HFM1: variants seen among roughly 807,000 people sequenced by gnomAD.
The protein encoded by HFM1 is probable ATP-dependent DNA helicase HFM1.
HFM1 carries 169 observed loss-of-function variants against 192.1 expected under a neutral mutation model. That is an observed-to-expected ratio of 0.88 (90% CI 0.78 to 1.00). The LOEUF is 1.00. Ranked by LOEUF, HFM1 falls within the 50% of genes least tolerant of loss-of-function variation. The pLI, the probability that HFM1 is intolerant of heterozygous loss-of-function variation, is 0.00. For missense variants in HFM1, 1,661 were observed against 1,668.0 expected (o/e 1.00, Z 0.07); for synonymous variants, 525 against 537.8 (o/e 0.98, Z 0.33).
intron 13 of HFM1, among the ~76,000 whole-genome samples, chr1:91,364,632 A>ATATATATATATTTTTTTTT (rs753472335): frequency 1.5e-5 from 1 of 66,816 alleles, no homozygotes; most frequent in Non-Finnish European, 2.5e-5. Flanking sequence ...ATATATATAT[A>ATATATATATATTTTTTTTT]TTTTTTTTTT....
intron 3 of HFM1, 60 bp downstream of exon 3, chr1:91,396,232 TA>T (rs964289469): frequency 5.2e-6 from 4 of 774,486 alleles, no homozygotes; most frequent in African/African-American, 1.7e-5. Context: ...CAGGGTTTTT[TA>T]AAAAAATATT....
chr1:91,289,218 A>C (rs416817), intron 30 of HFM1, among the ~76,000 whole-genome samples: 150,462 of 150,722 alleles, frequency 1, 75,101 homozygotes, highest in Non-Finnish European at 1. Flanking sequence ...CCTCAGTTCC[A>C]AGACGGGGTC....
chr1:91,262,752 C>T (rs1665288991), intron 36 of HFM1, among the ~76,000 whole-genome samples, 160 bp from the exon 37 acceptor site: 1 of 152,028 alleles, frequency 6.6e-6, no homozygotes. Context: ...TGGTATATTT[C>T]CTTTCCTTTA....
chr1:91,339,846 T>C (rs1016074421), intron 20 of HFM1, among the ~76,000 whole-genome samples: 10 of 151,848 alleles, frequency 6.6e-5, no homozygotes, highest in Non-Finnish European at 1.0e-4. Flanking sequence ...CCAAGACACA[T>C]AGTCATTACA....
At chr1:91,284,437 A>C (rs1329543167) in intron 30 of HFM1, among the ~76,000 whole-genome samples, 1 of 151,952 alleles carries the variant, frequency 6.6e-6, no homozygotes, top group Non-Finnish European at 1.5e-5. Context: ...TTTTTAGTAG[A>C]GATGGGGTTT....
chr1:91,365,341 T>C (rs900468520), intron 13 of HFM1, among the ~76,000 whole-genome samples: 1 of 152,040 alleles, frequency 6.6e-6, no homozygotes, highest in Non-Finnish European at 1.5e-5. Flanking sequence ...GGGATTCTTG[T>C]TAAGTAAGTA....
chr1:91,299,330 T>C (rs1231560441), intron 30 of HFM1, among the ~76,000 whole-genome samples: 3 of 152,222 alleles, frequency 2.0e-5, no homozygotes, highest in African/African-American at 4.8e-5. Context: ...CACACAATAA[T>C]AATGGGAGAC....
intron 20 of HFM1, among the ~76,000 whole-genome samples, chr1:91,328,075 C>T (rs539596486): frequency 6.6e-6 from 1 of 152,092 alleles, no homozygotes; most frequent in East Asian, 1.9e-4. Flanking sequence ...AAAGCAAGTG[C>T]TAACCAAACA....
intron 30 of HFM1, among the ~76,000 whole-genome samples, chr1:91,281,522 T>G (rs529609982): frequency 2.6e-5 from 4 of 152,294 alleles, no homozygotes; most frequent in African/African-American, 9.6e-5. Flanking sequence ...CTGGGCTGAA[T>G]CTACTACAAA....
At position 91,378,117 on chromosome 1, in the gene HFM1, C is replaced by T; in HGVS notation, c.1303G>A (p.Val435Ile). 6.2e-7 allele frequency: 1 copy of T among 1,609,376 alleles called. No homozygotes were observed. Among genetic ancestry groups the T allele is most frequent in the Non-Finnish European group, 8.5e-7 (1 of 1,176,522 alleles). ...LEVVVSRMKT[V>I]QSVSQTLKNT... is the part of the protein sequence containing the mutation. ...TTTAAAGTCTGAGAAACAGACTGTA[C>T]AGTTTTCATTCTGCTAACTACAACT... The change falls in exon 11 of 39, where the codon GTA becomes ATA. Residue 435 changes from valine (V) to isoleucine (I), a missense_variant. Transcript: ENST00000370425.
At chr1:91,273,280 G>C (rs957457893) in intron 34 of HFM1, among the ~76,000 whole-genome samples, 2 of 151,966 alleles carry the variant, frequency 1.3e-5, no homozygotes, top group Non-Finnish European at 2.9e-5. Flanking sequence ...TCATCTTAAA[G>C]ATAAGACTAA....
chr1:91,283,814 G>A (rs542202187), intron 30 of HFM1, among the ~76,000 whole-genome samples: 136 of 152,132 alleles, frequency 8.9e-4, no homozygotes, highest in African/African-American at 3.3e-3. Flanking sequence ...AAGAAGTCCA[G>A]ACAATAAATA....
At chr1:91,329,550 C>T in intron 20 of HFM1, 1 of 1,390,190 alleles carries the variant, frequency 7.2e-7, no homozygotes, top group Non-Finnish European at 9.7e-7. Flanking sequence ...TCCTTGACAC[C>T]AGAATATTTG....
At chr1:91,396,451 A>AT in intron 2 of HFM1, 46 bp from the exon 3 acceptor site, 1 of 953,654 alleles carries the variant, frequency 1.0e-6, no homozygotes. Flanking sequence ...ATAAAGATAT[A>AT]ACATGAGAAG....
At position 91,385,276 on chromosome 1, in the gene HFM1, A is replaced by C. The variant is rs943997740; in HGVS notation, c.755-42T>G. The C allele has an allele frequency of 2.0e-5, 24 of 1,172,220 alleles. No individual in the cohort carries two copies. In the African/African-American group the frequency reaches 3.6e-4, roughly 18 times the overall value. 72.6% of individuals were successfully genotyped at this position (1,172,220 alleles called of 1,614,324 possible). A position where few individuals can be genotyped will look rare whatever the true frequency, so the allele number is the denominator to read the frequency against. On this transcript the variant is annotated intron_variant, in intron 5 of 38. Transcript: ENST00000370425. ...ACATATTTATATAAATATCAAAAAA[A>C]AATTAATGGTCAGAAGCTAGGACCT...
chr1:91,374,925 G>C (rs1173529826), intron 13 of HFM1, among the ~76,000 whole-genome samples: 4 of 152,104 alleles, frequency 2.6e-5, no homozygotes, highest in Admixed American at 2.6e-4. Context: ...ACATTTAAGA[G>C]TTGGGTAGAA....
chr1:91,385,279 T>A (rs768792591), intron 5 of HFM1, 45 bp from the exon 6 acceptor site: 5 of 1,106,892 alleles, frequency 4.5e-6, no homozygotes, highest in East Asian at 2.5e-5. Context: ...CAAAAAAAAA[T>A]TAATGGTCAG....
At position 91,273,771 on chromosome 1, in the gene HFM1, C is replaced by T; in HGVS notation, c.3713G>A (p.Trp1238Ter). 1 of 1,602,514 alleles carries T rather than the reference C, an allele frequency of 6.2e-7. No homozygotes were observed. The highest frequency in any genetic ancestry group is 8.5e-7 in the Non-Finnish European group (1 of 1,170,886). ...NISELPIMEQ[W>*]DQPEIYGKVR... is the part of the protein sequence containing the mutation. ...TTTTCCATAGATTTCAGGCTGATCCCACTGCTCCATTATAGGCAATTCAGA... is the reference window on the plus strand; with the variant it reads ...TTTTCCATAGATTTCAGGCTGATCCTACTGCTCCATTATAGGCAATTCAGA... Residue 1238 changes from tryptophan (W) to a stop codon, truncating the protein, a stop_gained, in exon 34 of 39, where the codon TGG (tryptophan) becomes TAG (stop). Coordinates refer to ENST00000370425, the MANE Select transcript of HFM1 (RefSeq NM_001017975.6). LOFTEE classifies it high-confidence loss of function.
At chr1:91,337,141 C>G (rs1450283181) in intron 20 of HFM1, among the ~76,000 whole-genome samples, 1 of 152,160 alleles carries the variant, frequency 6.6e-6, no homozygotes, top group Admixed American at 6.6e-5. Context: ...GCTTGATACA[C>G]AGGTGATGGT....
Sources: allele counts gnomAD v4.1 joint callset (sites outside exome capture counted in the v4.1 genomes callset), GRCh38; gene constraint gnomAD v4.1.1; transcripts MANE v1.5; gene names NCBI Gene and HGNC (gene_info 2026-07-23, HGNC 2026-07-21).